Variants in CA10 observed in about 807,000 individuals in gnomAD.
CA10 encodes carbonic anhydrase-related protein 10.
In CA10, 14 loss-of-function variants were observed where a neutral mutation model predicts 44.2. That is an observed-to-expected ratio of 0.32 (90% CI 0.21 to 0.50). The LOEUF is 0.50. Ranked by LOEUF, CA10 falls within the 20% of genes least tolerant of loss-of-function variation. The probability of loss-of-function intolerance (pLI) is 0.99; values close to 1 mark genes in which losing one functional copy is unlikely to be tolerated. For synonymous variants in CA10, 159 were observed against 141.6 expected, an observed-to-expected ratio of 1.12 and a Z score of -0.87; for missense variants, 350 against 409.7, an observed-to-expected ratio of 0.85 and a Z score of 1.26.
chr17:52,037,469 A>C (rs1986650745), intron 2 of CA10, among the ~76,000 whole-genome samples: 1 of 152,186 alleles, frequency 6.6e-6, no homozygotes, highest in South Asian at 2.1e-4. Context: ...TCTGCTTTAT[A>C]CTAGGTGGAA....
chr17:52,094,880 C>A (rs1319204676), intron 1 of CA10, among the ~76,000 whole-genome samples: 4 of 152,102 alleles, frequency 2.6e-5, no homozygotes, highest in Non-Finnish European at 5.9e-5. Flanking sequence ...ATTAGTATAG[C>A]CACTTTGAAA....
At chr17:51,735,875 C>A (rs4793722) in intron 4 of CA10, among the ~76,000 whole-genome samples, 95,236 of 151,530 alleles carry the variant, frequency 0.63, 30,454 homozygotes, top group Admixed American at 0.72. Flanking sequence ...GGATTGAAAT[C>A]CAGGAAAGGC....
At chr17:51,826,492 G>A (rs1436006995) in intron 3 of CA10, among the ~76,000 whole-genome samples, 1 of 152,226 alleles carries the variant, frequency 6.6e-6, no homozygotes, top group African/African-American at 2.4e-5. Context: ...AAGCTATGAA[G>A]CAATGAGGCA....
Position 52,123,371 on chromosome 17 carries a change from G to GGTGTGTGTGTGTGTGTGT in CA10, c.61+34337_61+34354dup, listed in dbSNP as rs34184028. ...TGTGTGTATGTGTGTATATATATGGGGTGTGTGTGTGTGTGTGTGTGTGTG... is the reference window on the plus strand; with the variant it reads ...TGTGTGTATGTGTGTATATATATGGGGTGTGTGTGTGTGTGTGTGTGTGTGTGTGTGTGTGTGTGTGTG... On this transcript the variant is annotated intron_variant, in intron 1 of 8. Transcript: ENST00000451037. Among the ~76,000 whole-genome samples, 634 of 146,332 alleles carry GGTGTGTGTGTGTGTGTGT rather than the reference G, an allele frequency of 4.3e-3. 2 individuals carry two copies. The highest frequency in any genetic ancestry group is 0.015 in the African/African-American group (593 of 38,812).
At chr17:51,820,457 T>G (rs1907739399) in intron 3 of CA10, among the ~76,000 whole-genome samples, 1 of 132,172 alleles carries the variant, frequency 7.6e-6, no homozygotes, top group Non-Finnish European at 1.5e-5. Flanking sequence ...GCTCCTAGTT[T>G]GAACCTGTTC....
intron 2 of CA10, among the ~76,000 whole-genome samples, chr17:51,943,821 C>G (rs1283025264): frequency 6.6e-6 from 1 of 152,144 alleles, no homozygotes; most frequent in East Asian, 1.9e-4. Context: ...TTTTTCTCAG[C>G]TTTACAAGGT....
intron 2 of CA10, among the ~76,000 whole-genome samples, chr17:52,013,881 T>C (rs1043722917): frequency 1.3e-5 from 2 of 151,972 alleles, no homozygotes; most frequent in Non-Finnish European, 2.9e-5. Flanking sequence ...TCCCCATTCA[T>C]GGAGCGCTTA....
chr17:51,754,148 C>G (rs933111604), intron 3 of CA10, among the ~76,000 whole-genome samples: 4 of 151,810 alleles, frequency 2.6e-5, no homozygotes, highest in Admixed American at 2.6e-4. Flanking sequence ...CCAGCCACAG[C>G]TGGTTATTTA....
intron 3 of CA10, among the ~76,000 whole-genome samples, chr17:51,889,211 A>G (rs1980746055): frequency 6.6e-6 from 1 of 152,140 alleles, no homozygotes; most frequent in Non-Finnish European, 1.5e-5. Context: ...TCTGTTACTT[A>G]TACAGGGCTA....
intron 2 of CA10, among the ~76,000 whole-genome samples, chr17:51,960,462 C>T (rs1270326353): frequency 6.6e-6 from 1 of 152,012 alleles, no homozygotes; most frequent in East Asian, 1.9e-4. Context: ...ACTTAAAACA[C>T]TAAAATCCAA....
chr17:52,133,473 G>A (rs961655450), intron 1 of CA10, among the ~76,000 whole-genome samples: 3 of 152,072 alleles, frequency 2.0e-5, no homozygotes, highest in Admixed American at 6.5e-5. Context: ...CAGGAGACTG[G>A]AAGAAGAGGC....
chr17:51,669,032 C>T (rs376765752), intron 4 of CA10, among the ~76,000 whole-genome samples: 2 of 152,198 alleles, frequency 1.3e-5, no homozygotes, highest in East Asian at 3.9e-4. Context: ...GGACCTGCAG[C>T]TTGCCATGCC....
chr17:52,047,133 TAAAGGAA>T (rs1182620406), intron 2 of CA10, among the ~76,000 whole-genome samples: 1 of 152,004 alleles, frequency 6.6e-6, no homozygotes, highest in Admixed American at 6.6e-5. Flanking sequence ...TTCAGCAATA[TAAAGGAA>T]TGAACTGCTA....
At chr17:52,108,134 T>C (rs1326605434) in intron 1 of CA10, among the ~76,000 whole-genome samples, 1 of 148,738 alleles carries the variant, frequency 6.7e-6, no homozygotes, top group African/African-American at 2.4e-5. Context: ...GTATTTGCTT[T>C]TTAAAAATCA....
intron 3 of CA10, among the ~76,000 whole-genome samples, chr17:51,816,384 C>T (rs1444992608): frequency 1.3e-5 from 2 of 152,158 alleles, no homozygotes. Flanking sequence ...TATGGGAGTC[C>T]AGATATTTCT....
In CA10 at chr17:51,756,419, A is replaced by G. The variant is rs369569731; in HGVS notation, c.280-8601T>C. Reference sequence around the variant, plus strand: ...ACATTCTATAGCTCTTTAAAAGAGAAGAAGTCAGAAGTTGGTAGGAAGAGT... The same window carrying G: ...ACATTCTATAGCTCTTTAAAAGAGAGGAAGTCAGAAGTTGGTAGGAAGAGT... On this transcript the variant is annotated intron_variant, in intron 3 of 8. Coordinates refer to ENST00000451037, the MANE Select transcript of CA10 (RefSeq NM_020178.5). 7.2e-5 allele frequency among the ~76,000 whole-genome samples: 11 copies of G among 152,216 alleles called. No homozygotes were observed. The South Asian group carries it at 2.1e-3, about 29-fold the overall frequency.
chr17:51,767,955 G>A (rs923878467), intron 3 of CA10, among the ~76,000 whole-genome samples: 13 of 152,036 alleles, frequency 8.6e-5, no homozygotes, highest in Non-Finnish European at 1.3e-4. Flanking sequence ...GGGGGTTGGG[G>A]AGCGCTGAAC....
chr17:51,720,067 T>G (rs146416578), intron 4 of CA10, among the ~76,000 whole-genome samples: 1 of 152,168 alleles, frequency 6.6e-6, no homozygotes, highest in Admixed American at 6.5e-5. Flanking sequence ...ATAATTGTGG[T>G]ATAATAAGAA....
chr17:51,671,787 T>C (rs1597976026), intron 4 of CA10, among the ~76,000 whole-genome samples: 1 of 152,182 alleles, frequency 6.6e-6, no homozygotes, highest in East Asian at 1.9e-4. Flanking sequence ...GGAACGCCCC[T>C]CCTAAATTGC....
Sources: allele counts gnomAD v4.1 joint callset (sites outside exome capture counted in the v4.1 genomes callset), GRCh38; gene constraint gnomAD v4.1.1; transcripts MANE v1.5; gene names NCBI Gene and HGNC (gene_info 2026-07-23, HGNC 2026-07-21).